The following MALSU1 variants were observed in gnomAD, a reference collection of about 807,000 sequenced individuals.
MALSU1 encodes the protein mitochondrial assembly of ribosomal large subunit 1.
Under a neutral mutation model 22.1 loss-of-function variants are expected in MALSU1, and 22 were observed. That is an observed-to-expected ratio of 1.00 (90% confidence interval 0.71 to 1.42). The LOEUF (loss-of-function observed/expected upper bound fraction) is 1.42, where lower values mean the gene tolerates loss of function less well. MALSU1 is among the 40% of genes most tolerant of loss of function. The probability of loss-of-function intolerance (pLI) is 0.00; values close to 1 mark genes in which losing one functional copy is unlikely to be tolerated. For missense variants in MALSU1, 379 were observed against 308.3 expected (o/e 1.23, Z -1.72); for synonymous variants, 153 against 118.5 (o/e 1.29, Z -1.89).
At chr7:23,305,462 G>A (rs1783711340) in intron 2 of MALSU1, among the ~76,000 whole-genome samples, 2 of 149,988 alleles carry the variant, frequency 1.3e-5, no homozygotes, top group Admixed American at 6.7e-5. Context: ...GCACAATCTC[G>A]GCTCACAGAT....
chr7:23,303,501 A>C (rs759260804), intron 2 of MALSU1, among the ~76,000 whole-genome samples: 1 of 152,172 alleles, frequency 6.6e-6, no homozygotes, highest in Non-Finnish European at 1.5e-5. Context: ...TGAGTATAGA[A>C]ATACTGTTCA....
chr7:23,310,852 T>TA lies in MALSU1; in HGVS notation c.*1310dup, dbSNP rs1783806070. The TA allele has an allele frequency of 3.9e-5, 6 of 152,190 alleles. No individual in the cohort carries two copies. Among genetic ancestry groups the TA allele is most frequent in the Admixed American group, 3.9e-4 (6 of 15,280 alleles). 9.4% of individuals were successfully genotyped at this position (152,190 alleles called of 1,614,324 possible). ...CAGTGTAACATGACTGTGATCATCT[T>TA]ACAAACAAAACTCAAAAAATCAATT... On this transcript the variant is annotated 3_prime_UTR_variant, in exon 4 of 4. Coordinates refer to ENST00000466681, the MANE Select transcript of MALSU1 (RefSeq NM_138446.2).
rs150230313 is a variant in MALSU1 at position 23,310,832 on chromosome 7, T to G, written c.*1289T>G. 10 of 152,266 alleles carry G rather than the reference T, an allele frequency of 6.6e-5. No homozygotes were observed. In the East Asian group the frequency reaches 1.9e-3, roughly 29 times the overall value. 9.4% of individuals were successfully genotyped at this position (152,266 alleles called of 1,614,324 possible). ...TATATATATGTCCTTTAGATCAGTG[T>G]AACATGACTGTGATCATCTTACAAA... On this transcript the variant is annotated 3_prime_UTR_variant, in exon 4 of 4. Coordinates refer to ENST00000466681, the MANE Select transcript of MALSU1 (RefSeq NM_138446.2).
chr7:23,308,865 C>G (rs549285505), intron 3 of MALSU1, among the ~76,000 whole-genome samples: 77 of 152,200 alleles, frequency 5.1e-4, no homozygotes, highest in African/African-American at 1.4e-3. Flanking sequence ...ATCCTCCCTT[C>G]TCCAATTGTG....
intron 2 of MALSU1, among the ~76,000 whole-genome samples, chr7:23,305,677 C>G (rs1208164717): frequency 6.6e-6 from 1 of 152,038 alleles, no homozygotes; most frequent in African/African-American, 2.4e-5. Flanking sequence ...GTGTCTGGCC[C>G]CACATAAAGT....
rs912707701 is a variant in MALSU1, at chr7:23,303,795, C to G, written c.435+2778C>G. On this transcript the variant is annotated intron_variant, in intron 2 of 3. Coordinates refer to ENST00000466681, the MANE Select transcript of MALSU1 (RefSeq NM_138446.2). ...CTGCACTCCACCCTGGGTGACAGAG[C>G]AAGACGCTGTCTCAAAAGAAAAAAA... is the stretch of plus-strand genomic sequence containing the variant. Among the ~76,000 whole-genome samples, 5 of 126,906 alleles carry G rather than the reference C, an allele frequency of 3.9e-5. No homozygotes were observed. The East Asian group carries it at 1.2e-3, about 31-fold the overall frequency. 83.3% of individuals were successfully genotyped at this position (126,906 alleles called of 152,430 possible).
chr7:23,306,109 G>A (rs1361450684), intron 2 of MALSU1, among the ~76,000 whole-genome samples: 3 of 152,110 alleles, frequency 2.0e-5, no homozygotes, highest in Non-Finnish European at 4.4e-5. Flanking sequence ...CAGGAGAATC[G>A]CTTGAACTTG....
Position 23,310,905 on chromosome 7 carries a change from C to G in MALSU1, c.*1362C>G, listed in dbSNP as rs538255663. The G allele has an allele frequency of 6.6e-6, 1 of 152,176 alleles. No homozygotes were observed. Among genetic ancestry groups the G allele is most frequent in the South Asian group, 2.1e-4 (1 of 4,824 alleles). 9.4% of individuals were successfully genotyped at this position (152,176 alleles called of 1,614,324 possible). ...GAGAGCAGCGTGGCCTTGGAGACCA[C>G]CCACACCCAACACAATTGTACGTAC... On this transcript the variant is annotated 3_prime_UTR_variant, in exon 4 of 4. Transcript: ENST00000466681.
chr7:23,301,121 T>G, intron 2 of MALSU1, 104 bp downstream of exon 2: 1 of 1,125,908 alleles, frequency 8.9e-7, no homozygotes, highest in South Asian at 1.8e-5. Flanking sequence ...CATACAAAGT[T>G]ACAGAAGAAG....
chr7:23,306,692 A>T (rs574497525), intron 2 of MALSU1, among the ~76,000 whole-genome samples: 1 of 152,146 alleles, frequency 6.6e-6, no homozygotes, highest in South Asian at 2.1e-4. Flanking sequence ...TCAGATTATC[A>T]TATAGATTTT....
intron 2 of MALSU1, among the ~76,000 whole-genome samples, chr7:23,305,281 T>C (rs1003753666): frequency 3.3e-5 from 5 of 152,208 alleles, no homozygotes; most frequent in Non-Finnish European, 5.9e-5. Flanking sequence ...TTTCAGACTG[T>C]TTTGTTTACC....
chr7:23,310,345 G>C lies in MALSU1; in HGVS notation c.*802G>C, dbSNP rs541593861. 1 of 152,162 alleles carries C rather than the reference G, an allele frequency of 6.6e-6. No individual in the cohort carries two copies. Among genetic ancestry groups the C allele is most frequent in the Non-Finnish European group, 1.5e-5 (1 of 68,030 alleles). The allele number at this position is 152,162 out of a possible 1,614,324, so 9.4% of individuals were successfully genotyped here. On this transcript the variant is annotated 3_prime_UTR_variant, in exon 4 of 4. Transcript: ENST00000466681. ...CAATTATAGAATTATTTCTTAGCTA[G>C]TACCAGATACTCCAAATTACAAATG...
At chr7:23,307,997 A>AC in intron 3 of MALSU1, 48 bp downstream of exon 3, 1 of 1,305,334 alleles carries the variant, frequency 7.7e-7, no homozygotes, top group South Asian at 1.2e-5. Flanking sequence ...TACTACGCTA[A>AC]TCTTGAATTG....
intron 3 of MALSU1, 130 bp from the exon 4 acceptor site, chr7:23,309,226 G>A: frequency 1.3e-6 from 1 of 793,190 alleles, no homozygotes; most frequent in Non-Finnish European, 2.0e-6. Context: ...GGAGTCCACA[G>A]TGATGCTAAT....
chr7:23,308,675 GCA>G (rs1783757879), intron 3 of MALSU1, among the ~76,000 whole-genome samples: 1 of 152,146 alleles, frequency 6.6e-6, no homozygotes, highest in African/African-American at 2.4e-5. Context: ...GATGACACCA[GCA>G]CACACAGTTG....
At chr7:23,299,655 G>C in intron 1 of MALSU1, 47 bp downstream of exon 1, 1 of 1,528,342 alleles carries the variant, frequency 6.5e-7, no homozygotes, top group South Asian at 1.2e-5. Flanking sequence ...GGGCAGTCTG[G>C]AGTCAGGTCC....
chr7:23,306,059 T>C lies in MALSU1; in HGVS notation c.436-1809T>C, dbSNP rs575137375. Among the ~76,000 whole-genome samples the C allele has an allele frequency of 1.1e-3, 165 of 152,290 alleles. 2 individuals carry two copies. In the Middle Eastern group the frequency reaches 0.02, roughly 19 times the overall value. On this transcript the variant is annotated intron_variant, in intron 2 of 3. Coordinates refer to ENST00000466681, the MANE Select transcript of MALSU1 (RefSeq NM_138446.2). ...AAAATACAAAATTAGCCGGGCGTGG[T>C]GGCGCATGCCTGTAATCCCGGCTAC...
chr7:23,300,815 C>A (rs766144152), intron 1 of MALSU1, 24 bp from the exon 2 acceptor site: 17 of 1,603,654 alleles, frequency 1.1e-5, no homozygotes, highest in South Asian at 2.2e-5. Context: ...CATCCTGATA[C>A]AAACAACTAT....
chr7:23,307,311 T>TG (rs1291140401), intron 2 of MALSU1, among the ~76,000 whole-genome samples: 2 of 152,236 alleles, frequency 1.3e-5, no homozygotes, highest in Non-Finnish European at 2.9e-5. Flanking sequence ...CCTTTGATTT[T>TG]GGGGTGATGT....
Sources: allele counts gnomAD v4.1 joint callset (sites outside exome capture counted in the v4.1 genomes callset), GRCh38; gene constraint gnomAD v4.1.1; transcripts MANE v1.5; gene names NCBI Gene and HGNC (gene_info 2026-07-23, HGNC 2026-07-21).